The following RIPK2 variants were observed in gnomAD, a reference collection of about 807,000 sequenced individuals.
The protein encoded by RIPK2 is receptor-interacting serine/threonine-protein kinase 2.
Under a neutral mutation model 60.9 loss-of-function variants are expected in RIPK2, and 38 were observed. The ratio of observed to expected loss-of-function variants is 0.62; its 90% CI spans 0.48 to 0.82. The LOEUF is 0.82. RIPK2 is among the 40% of genes least tolerant of loss of function. The pLI, the probability that RIPK2 is intolerant of heterozygous loss-of-function variation, is 0.00. For synonymous variants in RIPK2, 225 were observed against 223.4 expected (o/e 1.01, Z -0.06); for missense variants, 518 against 647.0 (o/e 0.80, Z 2.16).
chr8:89,772,956 C>T (rs1468244845), intron 6 of RIPK2, 128 bp downstream of exon 6: 2 of 578,252 alleles, frequency 3.5e-6, no homozygotes, highest in East Asian at 6.3e-5. Flanking sequence ...TATTTTCTGT[C>T]TTATCATAGC....
intron 2 of RIPK2, among the ~76,000 whole-genome samples, chr8:89,764,449 G>C (rs145466883): frequency 6.6e-6 from 1 of 152,116 alleles, no homozygotes; most frequent in Non-Finnish European, 1.5e-5. Context: ...AACTTCTCAA[G>C]AACAGTTTTG....
At chr8:89,771,376 A>T (rs1809308488) in intron 4 of RIPK2, among the ~76,000 whole-genome samples, 1 of 150,878 alleles carries the variant, frequency 6.6e-6, no homozygotes, top group African/African-American at 2.4e-5. Context: ...AGCAGAAAAA[A>T]GGCAGTAGAA....
chr8:89,789,324 A>C lies in RIPK2; in HGVS notation c.1127A>C (p.Lys376Thr). ...APQDNDFLSRKAQDCYFMKLH... is the reference protein window; with the variant it reads ...APQDNDFLSRTAQDCYFMKLH... Reference sequence around the variant, plus strand: ...ATGAAGATGTTGTATTTTGTAGGAAAAGCTCAAGACTGTTATTTTATGAAG... The same window carrying C: ...ATGAAGATGTTGTATTTTGTAGGAACAGCTCAAGACTGTTATTTTATGAAG... Residue 376 changes from lysine (K) to threonine (T), a missense_variant, in exon 10 of 11, where the codon AAA (lysine) becomes ACA (threonine). This residue lies in a region of RIPK2 where 448 missense variants were observed against 534.7 expected (regional missense o/e 0.84). Transcript: ENST00000220751. 1.9e-6 allele frequency: 3 copies of C among 1,612,778 alleles called. No individual in the cohort carries two copies. The highest frequency in any genetic ancestry group is 2.5e-6 in the Non-Finnish European group (3 of 1,179,492).
chr8:89,764,803 A>G (rs1479808537), intron 2 of RIPK2, among the ~76,000 whole-genome samples: 1 of 152,156 alleles, frequency 6.6e-6, no homozygotes, highest in Non-Finnish European at 1.5e-5. Context: ...TGATAAATTA[A>G]TGCTTAGTCA....
chr8:89,757,976 AT>A lies in RIPK2; in HGVS notation c.-84del. The A allele has an allele frequency of 6.9e-7, 1 of 1,451,068 alleles. No individual in the cohort carries two copies. Among genetic ancestry groups the A allele is most frequent in the Middle Eastern group, 2.2e-4 (1 of 4,650 alleles). 89.9% of individuals were successfully genotyped at this position (1,451,068 alleles called of 1,614,324 possible). A position where few individuals can be genotyped will look rare whatever the true frequency, so the allele number is the denominator to read the frequency against. On this transcript the variant is annotated 5_prime_UTR_variant, in exon 1 of 11. Coordinates refer to ENST00000220751, the MANE Select transcript of RIPK2 (RefSeq NM_003821.6). Reference sequence around the variant, plus strand: ...GCCGGCCTCGCTCGTGCAGGGGCGTATCTGGGCGCCTGAGCGCGGCGTGGGA... The same window carrying A: ...GCCGGCCTCGCTCGTGCAGGGGCGTACTGGGCGCCTGAGCGCGGCGTGGGA...
chr8:89,759,420 TC>T, intron 1 of RIPK2: 1 of 456,132 alleles, frequency 2.2e-6, no homozygotes, highest in South Asian at 1.5e-5. Context: ...AAATACGTCA[TC>T]CCCGATGCCT....
Position 89,790,543 on chromosome 8 carries a change from C to T in RIPK2, c.*127C>T. Reference sequence around the variant, plus strand: ...GAAGGTTCTTTGGGTAAATATTAGTCTCCCTCCATGACACTGCAGTATTTT... The same window carrying T: ...GAAGGTTCTTTGGGTAAATATTAGTTTCCCTCCATGACACTGCAGTATTTT... On this transcript the variant is annotated 3_prime_UTR_variant, in exon 11 of 11. Coordinates refer to ENST00000220751, the MANE Select transcript of RIPK2 (RefSeq NM_003821.6). The T allele has an allele frequency of 1.5e-6, 1 of 665,768 alleles. No homozygotes were observed. The highest frequency in any genetic ancestry group is 2.5e-6 in the Non-Finnish European group (1 of 404,438). The allele number at this position is 665,768 out of a possible 1,614,324, so 41.2% of individuals were successfully genotyped here. A position where few individuals can be genotyped will look rare whatever the true frequency, so the allele number is the denominator to read the frequency against.
intron 1 of RIPK2, chr8:89,759,406 G>A (rs1235337316): frequency 4.4e-6 from 2 of 456,224 alleles, no homozygotes; most frequent in Admixed American, 2.3e-5. Flanking sequence ...TATATCTAAT[G>A]TGAAAATACG....
At chr8:89,766,647 C>G (rs1385987143) in intron 3 of RIPK2, among the ~76,000 whole-genome samples, 1 of 149,340 alleles carries the variant, frequency 6.7e-6, no homozygotes. Flanking sequence ...AATGATAATA[C>G]CAAATGCCCA....
intron 1 of RIPK2, among the ~76,000 whole-genome samples, chr8:89,761,376 A>AC (rs547080835): frequency 2.8e-4 from 40 of 142,676 alleles, no homozygotes; most frequent in African/African-American, 7.3e-4. Flanking sequence ...ATTCCTTTTC[A>AC]TTTTTTTTTT....
chr8:89,788,252 A>G (rs1809619015), intron 9 of RIPK2, among the ~76,000 whole-genome samples: 1 of 152,034 alleles, frequency 6.6e-6, no homozygotes, highest in African/African-American at 2.4e-5. Context: ...CTGAGGCACA[A>G]GAATCACTTG....
rs909603651 is a variant in RIPK2, at chr8:89,780,014, C to T, written c.854-61C>T. The T allele has an allele frequency of 2.0e-5, 16 of 789,370 alleles. No homozygotes were observed. In the African/African-American group the frequency reaches 2.5e-4, roughly 12 times the overall value. The allele number at this position is 789,370 out of a possible 1,614,324, so 48.9% of individuals were successfully genotyped here. On this transcript the variant is annotated intron_variant, in intron 6 of 10. Coordinates refer to ENST00000220751, the MANE Select transcript of RIPK2 (RefSeq NM_003821.6). Reference sequence around the variant, plus strand: ...TGAGGCCTTGTACATTAAATGTTAGCATTTCACTTTAATACTTAGAAGCAA... The same window carrying T: ...TGAGGCCTTGTACATTAAATGTTAGTATTTCACTTTAATACTTAGAAGCAA...
In RIPK2 at chr8:89,758,182, G is replaced by A; in HGVS notation, c.122G>A (p.Arg41His). The part of the protein sequence containing the change: ...TVSSARHADW[R>H]VQVAVKHLHI... Reference sequence around the variant, plus strand: ...TCGTCCGCCCGCCACGCAGACTGGCGCGTCCAGGTGGCCGTGAAGCACCTG... The same window carrying A: ...TCGTCCGCCCGCCACGCAGACTGGCACGTCCAGGTGGCCGTGAAGCACCTG... Residue 41 changes from arginine to histidine, a missense_variant, in exon 1 of 11, where the codon CGC becomes CAC. This residue lies in a region of RIPK2 where 448 missense variants were observed against 534.7 expected (regional missense o/e 0.84). Coordinates refer to ENST00000220751, the MANE Select transcript of RIPK2 (RefSeq NM_003821.6). 1 of 1,610,204 alleles carries A rather than the reference G, an allele frequency of 6.2e-7. No individual in the cohort carries two copies. The highest frequency in any genetic ancestry group is 1.1e-5 in the South Asian group (1 of 90,502).
intron 7 of RIPK2, chr8:89,780,539 C>A: frequency 6.5e-6 from 1 of 153,090 alleles, no homozygotes; most frequent in Non-Finnish European, 1.4e-5. Context: ...AAGACATTTC[C>A]AGAACCCTTA....
chr8:89,769,220 T>G (rs1809275782), intron 3 of RIPK2, among the ~76,000 whole-genome samples: 1 of 151,904 alleles, frequency 6.6e-6, no homozygotes, highest in Non-Finnish European at 1.5e-5. Context: ...ACTGTTTCCA[T>G]GAAATACTTC....
chr8:89,767,129 G>A (rs552126015), intron 3 of RIPK2, among the ~76,000 whole-genome samples: 99 of 151,650 alleles, frequency 6.5e-4, no homozygotes, highest in African/African-American at 2.3e-3. Context: ...ATAGTTTTAT[G>A]TTACATATGT....
chr8:89,785,182 C>T (rs1167143444), intron 8 of RIPK2, among the ~76,000 whole-genome samples: 1 of 152,158 alleles, frequency 6.6e-6, no homozygotes. Context: ...GCAGTCAAAA[C>T]ATTGTTTCAT....
chr8:89,765,498 T>C lies in RIPK2; in HGVS notation c.483+2T>C, dbSNP rs758371992. ...TTGGACAATGAATTTCATGTTAAGG[T>C]AATTACTTTTTTAAAAAGTTTATGT... On this transcript the variant is annotated splice_donor_variant, in intron 3 of 10. Coordinates refer to ENST00000220751, the MANE Select transcript of RIPK2 (RefSeq NM_003821.6). LOFTEE classifies it high-confidence loss of function. 1 of 1,549,370 alleles carries C rather than the reference T, an allele frequency of 6.5e-7. No homozygotes were observed. The highest frequency in any genetic ancestry group is 1.8e-5 in the Admixed American group (1 of 56,728).
At chr8:89,776,937 G>A (rs934630704) in intron 6 of RIPK2, among the ~76,000 whole-genome samples, 1 of 152,184 alleles carries the variant, frequency 6.6e-6, no homozygotes, top group African/African-American at 2.4e-5. Flanking sequence ...CTGATGGATG[G>A]GAAACAAATG....
Sources: allele counts gnomAD v4.1 joint callset (sites outside exome capture counted in the v4.1 genomes callset), GRCh38; gene constraint gnomAD v4.1.1; regional missense constraint gnomAD v4.1.1; transcripts MANE v1.5; gene names NCBI Gene and HGNC (gene_info 2026-07-23, HGNC 2026-07-21).